The following TACC2 variants were observed in gnomAD, a reference collection of about 807,000 sequenced individuals.
TACC2 encodes transforming acidic coiled-coil-containing protein 2.
Under a neutral mutation model 227.3 loss-of-function variants are expected in TACC2, and 137 were observed. That is an observed-to-expected ratio of 0.60 (90% confidence interval 0.52 to 0.69). The LOEUF is 0.69. Among genes scored for constraint, TACC2 ranks in the 30% least tolerant of loss-of-function variants. TACC2 has a pLI of 0.00. For synonymous variants in TACC2, 1,523 were observed against 1,487.5 expected (o/e 1.02, Z -0.55); for missense variants, 3,470 against 3,694.4 (o/e 0.94, Z 1.57).
chr10:122,202,199 C>G (rs1038046945), intron 8 of TACC2, among the ~76,000 whole-genome samples: 1 of 151,372 alleles, frequency 6.6e-6, no homozygotes, highest in Non-Finnish European at 1.5e-5. Flanking sequence ...GCATGTCTTC[C>G]TATCGCTATG....
At chr10:122,040,659 T>G (rs1343310781) in intron 2 of TACC2, among the ~76,000 whole-genome samples, 1 of 142,336 alleles carries the variant, frequency 7.0e-6, no homozygotes, top group Non-Finnish European at 1.5e-5. Context: ...CATTCAATCC[T>G]ATTATTATAA....
intron 3 of TACC2, among the ~76,000 whole-genome samples, chr10:122,059,703 G>A (rs193155319): frequency 1.5e-4 from 23 of 152,290 alleles, no homozygotes; most frequent in Non-Finnish European, 2.6e-4. Flanking sequence ...GTTAGACATT[G>A]AGCAAGGAAA....
At chr10:122,161,191 C>T (rs2092795144) in intron 7 of TACC2, among the ~76,000 whole-genome samples, 1 of 152,142 alleles carries the variant, frequency 6.6e-6, no homozygotes, top group Non-Finnish European at 1.5e-5. Flanking sequence ...CCACCTCGGC[C>T]ACCCCAAGTG....
chr10:122,067,507 GT>G (rs34479310), intron 3 of TACC2, among the ~76,000 whole-genome samples: 5,405 of 129,588 alleles, frequency 0.042, 334 homozygotes, highest in African/African-American at 0.14. Flanking sequence ...ACTGTTTCTG[GT>G]TTTTTTTTTT....
At chr10:122,226,321 C>G in intron 12 of TACC2, 45 bp from the exon 13 acceptor site, 2 of 1,382,222 alleles carry the variant, frequency 1.4e-6, no homozygotes, top group Non-Finnish European at 2.1e-6. Context: ...GTTGCACGTT[C>G]AGGCCAACTG....
At position 122,128,862 on chromosome 10, in the gene TACC2, A is replaced by G. The variant is rs567185043; in HGVS notation, c.5574-3747A>G. On this transcript the variant is annotated intron_variant, in intron 5 of 22. Coordinates refer to ENST00000369005, the MANE Select transcript of TACC2 (RefSeq NM_206862.4). ...TCCAAATTGCTTCATTGTTCAGGCT[A>G]TTATGCTTGCGCTGTCTCTCTCTCT... 8.6e-5 allele frequency among the ~76,000 whole-genome samples: 13 copies of G among 151,800 alleles called. No individual in the cohort carries two copies. In the South Asian group the frequency reaches 2.7e-3, roughly 32 times the overall value.
intron 2 of TACC2, among the ~76,000 whole-genome samples, chr10:122,035,533 C>A (rs1591318610): frequency 6.6e-6 from 1 of 152,264 alleles, no homozygotes; most frequent in African/African-American, 2.4e-5. Context: ...CGCTAACAGG[C>A]AAAAGACACA....
chr10:122,243,043 G>A lies in TACC2; in HGVS notation c.8392+1042G>A, dbSNP rs140060378. ...ACTGCAACCTCCACCCCCCAGGTTC[G>A]AGCAATTCTCCTGCCTCAGCCTCTC... On this transcript the variant is annotated intron_variant, in intron 19 of 22. Coordinates refer to ENST00000369005, the MANE Select transcript of TACC2 (RefSeq NM_206862.4). Among the ~76,000 whole-genome samples, 437 of 152,140 alleles carry A rather than the reference G, an allele frequency of 2.9e-3. 4 individuals are homozygous for A. Among genetic ancestry groups the A allele is most frequent in the African/African-American group, 0.01 (422 of 41,498 alleles).
chr10:122,129,822 G>A (rs1270979686), intron 5 of TACC2, among the ~76,000 whole-genome samples: 6 of 152,162 alleles, frequency 3.9e-5, no homozygotes, highest in Non-Finnish European at 8.8e-5. Context: ...TTGTTCTGGG[G>A]GAACTGGAAT....
chr10:122,172,216 C>A (rs1337019187), intron 7 of TACC2, among the ~76,000 whole-genome samples: 2 of 152,154 alleles, frequency 1.3e-5, no homozygotes, highest in Non-Finnish European at 2.9e-5. Context: ...TGTTTTGACT[C>A]GTGGTTACAG....
intron 5 of TACC2, among the ~76,000 whole-genome samples, chr10:122,107,885 T>G (rs570993546): frequency 2.2e-5 from 1 of 46,250 alleles, no homozygotes; most frequent in African/African-American, 4.5e-5. Context: ...TATATATTTT[T>G]TTTTTCTTTT....
intron 2 of TACC2, among the ~76,000 whole-genome samples, chr10:122,026,162 CAA>C (rs777120162): frequency 2.1e-5 from 2 of 96,110 alleles, no homozygotes; most frequent in African/African-American, 4.5e-5. Flanking sequence ...ACTAAAAATC[CAA>C]AAAAAAAAAA....
intron 8 of TACC2, among the ~76,000 whole-genome samples, chr10:122,197,785 A>G (rs1226535309): frequency 6.6e-6 from 1 of 152,218 alleles, no homozygotes; most frequent in East Asian, 1.9e-4. Flanking sequence ...AAGCCCCCCT[A>G]GCTTGGGCTG....
Position 122,019,581 on chromosome 10 carries a change from C to T in TACC2, c.-45-2356C>T, listed in dbSNP as rs73368352. ...TGGATAAGCCTTTTCTGAAAGGAGC[C>T]CTGCTGATGTAATAACGGGGAAAAT... is the stretch of plus-strand genomic sequence containing the variant. On this transcript the variant is annotated intron_variant, in intron 1 of 22. Coordinates refer to ENST00000369005, the MANE Select transcript of TACC2 (RefSeq NM_206862.4). Among the ~76,000 whole-genome samples the T allele has an allele frequency of 3.1e-3, 476 of 152,304 alleles. 3 individuals carry two copies. Among genetic ancestry groups the T allele is most frequent in the African/African-American group, 0.011 (453 of 41,576 alleles).
intron 5 of TACC2, among the ~76,000 whole-genome samples, chr10:122,127,644 AACC>A: frequency 2.0e-5 from 3 of 152,222 alleles, no homozygotes; most frequent in Admixed American, 2.0e-4. Flanking sequence ...CTAGTCCCAG[AACC>A]ACCACCAGCA....
chr10:122,133,849 G>A (rs2088925058), intron 6 of TACC2, among the ~76,000 whole-genome samples: 1 of 152,202 alleles, frequency 6.6e-6, no homozygotes, highest in Admixed American at 6.5e-5. Flanking sequence ...GGAGGAACTG[G>A]TCACCTGTAA....
chr10:122,163,610 G>A (rs957378951), intron 7 of TACC2: 2 of 1,014,550 alleles, frequency 2.0e-6, no homozygotes, highest in African/African-American at 1.7e-5. Flanking sequence ...TAAGAGAAGA[G>A]CCTTTCGGAC....
intron 7 of TACC2, 134 bp downstream of exon 7, chr10:122,143,840 T>C (rs2091016990): frequency 1.0e-6 from 1 of 984,986 alleles, no homozygotes; most frequent in Non-Finnish European, 1.5e-6. Context: ...CGTGAGACCA[T>C]GTCTCTGACC....
intron 11 of TACC2, among the ~76,000 whole-genome samples, chr10:122,219,071 G>A (rs927097932): frequency 2.7e-5 from 4 of 148,080 alleles, no homozygotes; most frequent in Non-Finnish European, 4.5e-5. Context: ...TGACCCCAGA[G>A]GCCCTACGAT....
Sources: gnomAD v4.1 joint callset for allele counts (sites outside exome capture counted in the v4.1 genomes callset) on GRCh38, gnomAD v4.1.1 for gene constraint, MANE v1.5 for transcripts, NCBI Gene and HGNC (gene_info 2026-07-23, HGNC 2026-07-21) for gene names.